PTPRD: variants seen among roughly 807,000 people sequenced by gnomAD.
The protein encoded by PTPRD is protein tyrosine phosphatase receptor type D.
A neutral mutation model predicts 214.5 loss-of-function variants in PTPRD; 34 were observed. The observed-to-expected ratio is 0.16, with a 90% CI of 0.12 to 0.21. PTPRD has a LOEUF of 0.21. Ranked by LOEUF, PTPRD falls within the 10% of genes least tolerant of loss-of-function variation. PTPRD has a pLI of 1.00. For synonymous variants in PTPRD, 1,128 were observed against 845.7 expected (o/e 1.33, Z -5.79); for missense variants, 2,545 against 2,398.7 (o/e 1.06, Z -1.27).
chr9:10,235,364 A>G (rs2099625556), intron 3 of PTPRD, among the ~76,000 whole-genome samples: 1 of 152,050 alleles, frequency 6.6e-6, no homozygotes, highest in East Asian at 1.9e-4. Context: ...AACAATCATC[A>G]CTGTGTTCCA....
At chr9:8,840,582 T>G (rs1265412916) in intron 11 of PTPRD, among the ~76,000 whole-genome samples, 1 of 152,236 alleles carries the variant, frequency 6.6e-6, no homozygotes, top group African/African-American at 2.4e-5. Context: ...CTATCTCTTC[T>G]TACTCCACCA....
At chr9:9,234,030 G>T (rs1245293466) in intron 9 of PTPRD, among the ~76,000 whole-genome samples, 1 of 152,092 alleles carries the variant, frequency 6.6e-6, no homozygotes, top group Non-Finnish European at 1.5e-5. Flanking sequence ...GACTCTGTGT[G>T]GGGGCTCCAA....
At chr9:8,949,408 G>A (rs1187194004) in intron 11 of PTPRD, among the ~76,000 whole-genome samples, 2 of 151,820 alleles carry the variant, frequency 1.3e-5, no homozygotes, top group Non-Finnish European at 2.9e-5. Flanking sequence ...CATCTTTACT[G>A]CTTGGTTCAT....
At chr9:8,744,178 G>C (rs2092491275) in intron 11 of PTPRD, among the ~76,000 whole-genome samples, 2 of 147,304 alleles carry the variant, frequency 1.4e-5, no homozygotes, top group East Asian at 4.0e-4. Flanking sequence ...GGTGAAAAGG[G>C]AACACTTCTA....
intron 5 of PTPRD, among the ~76,000 whole-genome samples, chr9:9,811,706 C>CA (rs1379560362): frequency 6.6e-6 from 1 of 152,006 alleles, no homozygotes; most frequent in East Asian, 1.9e-4. Flanking sequence ...GACTCCATCT[C>CA]AAAAACAAAA....
chr9:8,480,567 A>C (rs1385682166), intron 30 of PTPRD, among the ~76,000 whole-genome samples: 1 of 152,246 alleles, frequency 6.6e-6, no homozygotes, highest in Non-Finnish European at 1.5e-5. Flanking sequence ...TATGTGATCA[A>C]GAAATAACTG....
At chr9:9,688,129 C>T (rs2154401819) in intron 7 of PTPRD, among the ~76,000 whole-genome samples, 1 of 151,972 alleles carries the variant, frequency 6.6e-6, no homozygotes, top group East Asian at 1.9e-4. Flanking sequence ...GCTTCCTCAA[C>T]CATGTGGAAT....
chr9:9,820,983 T>A (rs1233700617), intron 5 of PTPRD, among the ~76,000 whole-genome samples: 2 of 152,160 alleles, frequency 1.3e-5, no homozygotes, highest in Non-Finnish European at 2.9e-5. Context: ...ATATGAATTT[T>A]AGAATAGTTT....
intron 4 of PTPRD, among the ~76,000 whole-genome samples, chr9:9,992,560 T>G (rs201978170): frequency 6.6e-6 from 1 of 152,130 alleles, no homozygotes; most frequent in Admixed American, 6.5e-5. Flanking sequence ...CAAATGTCCA[T>G]CAATGATAGA....
At chr9:10,496,768 G>A (rs1049027837) in intron 2 of PTPRD, among the ~76,000 whole-genome samples, 2 of 151,950 alleles carry the variant, frequency 1.3e-5, no homozygotes, top group Admixed American at 1.3e-4. Context: ...TGAGAGGTGT[G>A]TGTTCAGGTA....
chr9:8,865,547 GCT>G (rs976939982), intron 11 of PTPRD, among the ~76,000 whole-genome samples: 1 of 151,958 alleles, frequency 6.6e-6, no homozygotes, highest in African/African-American at 2.4e-5. Flanking sequence ...CTGCTCCTGG[GCT>G]CTCATTCTTT....
intron 10 of PTPRD, among the ~76,000 whole-genome samples, chr9:9,086,323 C>A (rs552113486): frequency 6.6e-6 from 1 of 152,138 alleles, no homozygotes; most frequent in Non-Finnish European, 1.5e-5. Context: ...TTGGTTTAAT[C>A]TAGAACGCAT....
At chr9:9,477,040 T>A (rs964648358) in intron 8 of PTPRD, among the ~76,000 whole-genome samples, 3 of 152,090 alleles carry the variant, frequency 2.0e-5, no homozygotes, top group African/African-American at 7.2e-5. Context: ...TGGCCCTTCA[T>A]ACCATTATTT....
intron 8 of PTPRD, among the ~76,000 whole-genome samples, chr9:9,404,684 A>T (rs2072531927): frequency 6.6e-6 from 1 of 152,082 alleles, no homozygotes; most frequent in Non-Finnish European, 1.5e-5. Flanking sequence ...GGAAACCTAT[A>T]GTTCAGTGGA....
chr9:8,370,526 A>C (rs2081226767), intron 39 of PTPRD, among the ~76,000 whole-genome samples: 1 of 152,160 alleles, frequency 6.6e-6, no homozygotes, highest in Admixed American at 6.6e-5. Flanking sequence ...GAAAACAGTA[A>C]TGGCTCCATG....
chr9:9,495,525 C>T (rs894143451), intron 8 of PTPRD, among the ~76,000 whole-genome samples: 8 of 152,102 alleles, frequency 5.3e-5, no homozygotes, highest in East Asian at 3.9e-4. Context: ...CAGACTCAGT[C>T]GGTAGAGGGA....
At chr9:9,790,541 T>G (rs934603636) in intron 5 of PTPRD, among the ~76,000 whole-genome samples, 1 of 152,234 alleles carries the variant, frequency 6.6e-6, no homozygotes, top group Non-Finnish European at 1.5e-5. Flanking sequence ...TGTTGCTAAT[T>G]AAACAATCTC....
intron 33 of PTPRD, among the ~76,000 whole-genome samples, chr9:8,450,653 T>C (rs1296205568): frequency 6.6e-6 from 1 of 152,242 alleles, no homozygotes; most frequent in African/African-American, 2.4e-5. Context: ...AGCTATCTAC[T>C]AGCTTTATTA....
chr9:8,317,672 T>A lies in PTPRD; in HGVS notation c.*202A>T, dbSNP rs990370092. 5 of 435,976 alleles carry A rather than the reference T, an allele frequency of 1.1e-5. No individual in the cohort carries two copies. The highest frequency in any genetic ancestry group is 9.7e-5 in the African/African-American group (5 of 51,284). The allele number at this position is 435,976 out of a possible 1,614,324, so 27.0% of individuals were successfully genotyped here. A position where few individuals can be genotyped will look rare whatever the true frequency, so the allele number is the denominator to read the frequency against. Reference sequence around the variant, plus strand: ...TCATCAGTCAGGATTCTCTTCATTATTTTTCAGGTTAGATTATTAAACTGT... The same window carrying A: ...TCATCAGTCAGGATTCTCTTCATTAATTTTCAGGTTAGATTATTAAACTGT... On this transcript the variant is annotated 3_prime_UTR_variant, in exon 46 of 46. Coordinates refer to ENST00000381196, the MANE Select transcript of PTPRD (RefSeq NM_002839.4).
Sources: gnomAD v4.1 joint callset for allele counts (sites outside exome capture counted in the v4.1 genomes callset) on GRCh38, gnomAD v4.1.1 for gene constraint, MANE v1.5 for transcripts, NCBI Gene and HGNC (gene_info 2026-07-23, HGNC 2026-07-21) for gene names.